GNAL: variants seen among roughly 807,000 people sequenced by gnomAD.
GNAL encodes the protein guanine nucleotide-binding protein G(olf) subunit alpha.
A neutral mutation model predicts 55.1 loss-of-function variants in GNAL; 18 were observed. That is an observed-to-expected ratio of 0.33 (90% CI 0.23 to 0.48). The LOEUF is 0.48. Ranked by LOEUF, GNAL falls within the 20% of genes least tolerant of loss-of-function variation. GNAL has a pLI of 0.99. For synonymous variants in GNAL, 253 were observed against 237.0 expected (o/e 1.07, Z -0.62); for missense variants, 412 against 614.1 (o/e 0.67, Z 3.48).
rs1308463701 is a variant in GNAL, at chr18:11,833,887, G to A, written c.722+8872G>A. 2.0e-5 allele frequency among the ~76,000 whole-genome samples: 3 copies of A among 152,174 alleles called. No individual in the cohort carries two copies. The South Asian group carries it at 6.2e-4, about 31-fold the overall frequency. ...TGTATGGAATGCCACTAGCAAAGAG[G>A]GAGAAGACAAGTCCCCTGGTGAGGA... On this transcript the variant is annotated intron_variant, in intron 5 of 11. Coordinates refer to ENST00000334049, the MANE Select transcript of GNAL (RefSeq NM_182978.4).
chr18:11,746,947 A>G (rs930101422), intron 1 of GNAL: 8 of 530,702 alleles, frequency 1.5e-5, no homozygotes, highest in Non-Finnish European at 3.1e-5. Context: ...TTTGCACTTC[A>G]GTAGGTGAGT....
chr18:11,772,695 C>G (rs144174611), intron 4 of GNAL, among the ~76,000 whole-genome samples: 154 of 152,336 alleles, frequency 1.0e-3, no homozygotes, highest in African/African-American at 3.6e-3. Flanking sequence ...GGACTAGAAC[C>G]GAGTCTCCCG....
chr18:11,884,841 C>A lies in GNAL; in HGVS notation c.*3706C>A, dbSNP rs2036946359. On this transcript the variant is annotated 3_prime_UTR_variant, in exon 12 of 12. Coordinates refer to ENST00000334049, the MANE Select transcript of GNAL (RefSeq NM_182978.4). ...CTCCAGCAGGAGAGACAAGTAAGGC[C>A]CAAGTGTGCCTGAGTGGAAAATGTC... 2.2e-6 allele frequency: 3 copies of A among 1,385,034 alleles called. No individual in the cohort carries two copies. The highest frequency in any genetic ancestry group is 2.8e-6 in the Non-Finnish European group (3 of 1,067,890). The allele number at this position is 1,385,034 out of a possible 1,614,324, so 85.8% of individuals were successfully genotyped here.
At chr18:11,877,750 C>T (rs1048292171) in intron 11 of GNAL, among the ~76,000 whole-genome samples, 1 of 152,204 alleles carries the variant, frequency 6.6e-6, no homozygotes, top group Non-Finnish European at 1.5e-5. Context: ...TCCAGCCTGG[C>T]CTTTCACCAC....
At chr18:11,734,245 C>T (rs570004892) in intron 1 of GNAL, among the ~76,000 whole-genome samples, 4 of 151,186 alleles carry the variant, frequency 2.6e-5, no homozygotes, top group African/African-American at 7.3e-5. Context: ...CCAGTTCAAG[C>T]GATTCTCCTG....
rs1454378826 is a variant in GNAL at position 11,882,566 on chromosome 18, ATCTCAGCTAC to A, written c.*1434_*1443del. ...CCAGGCGTGGTGGCGGGCACCTGTA[ATCTCAGCTAC>A]TCGAGAGGCTGAGGCAGGAGAATCT... On this transcript the variant is annotated 3_prime_UTR_variant, in exon 12 of 12. Coordinates refer to ENST00000334049, the MANE Select transcript of GNAL (RefSeq NM_182978.4). 2 of 151,682 alleles carry A rather than the reference ATCTCAGCTAC, an allele frequency of 1.3e-5. No homozygotes were observed. The highest frequency in any genetic ancestry group is 2.9e-5 in the Non-Finnish European group (2 of 68,092). The allele number at this position is 151,682 out of a possible 1,614,324, so 9.4% of individuals were successfully genotyped here.
At chr18:11,867,597 G>A (rs572930115) in intron 8 of GNAL, among the ~76,000 whole-genome samples, 11 of 149,592 alleles carry the variant, frequency 7.4e-5, no homozygotes, top group East Asian at 4.0e-4. Context: ...GGCAGATCAC[G>A]AGGTCAGGAG....
At position 11,689,813 on chromosome 18, in the gene GNAL, G is replaced by GAGGAGCGCGAAGCGGCCA. The variant is rs2031178012; in HGVS notation, c.260_261insAGCGGCCAAGGAGCGCGA (p.Ala89_Ala94dup). The GAGGAGCGCGAAGCGGCCA allele has an allele frequency of 6.5e-7, 1 of 1,537,332 alleles. No individual in the cohort carries two copies. The highest frequency in any genetic ancestry group is 1.4e-5 in the African/African-American group (1 of 70,534). ...GCAGCGCACCGAGCAGCTGAGTGCC[G>GAGGAGCGCGAAGCGGCCA]AGGAGCGCGAGGCGGCCAAGGAGCG... is the stretch of plus-strand genomic sequence containing the variant. On this transcript the variant is annotated inframe_insertion, in exon 1 of 12. Transcript: ENST00000334049.
In GNAL at chr18:11,752,956, A is replaced by T. The variant is rs767045048; in HGVS notation, c.449+31A>T. On this transcript the variant is annotated intron_variant, in intron 2 of 11. Transcript: ENST00000334049. This position sits in a 1 kb window ranked among gnomAD's most constrained non-coding sequence, Gnocchi z 4.5. ...AATGTTCAGTTTGCTTCCAAACTGCATGCAAACTTCGTCTCTCTCCCAGAC... is the reference window on the plus strand; with the variant it reads ...AATGTTCAGTTTGCTTCCAAACTGCTTGCAAACTTCGTCTCTCTCCCAGAC... 1 of 1,339,366 alleles carries T rather than the reference A, an allele frequency of 7.5e-7. No individual in the cohort carries two copies. Among genetic ancestry groups the T allele is most frequent in the South Asian group, 1.2e-5 (1 of 84,574 alleles). The allele number at this position is 1,339,366 out of a possible 1,614,324, so 83.0% of individuals were successfully genotyped here. A position where few individuals can be genotyped will look rare whatever the true frequency, so the allele number is the denominator to read the frequency against.
At position 11,884,459 on chromosome 18, in the gene GNAL, G is replaced by T; in HGVS notation, c.*3324G>T. The T allele has an allele frequency of 6.2e-7, 1 of 1,613,916 alleles. No homozygotes were observed. Reference sequence around the variant, plus strand: ...GCGCCTGCTCTTCATCTTGTCTTACGCTTTCCGAGCAAGTTCAAACCAGAA... The same window carrying T: ...GCGCCTGCTCTTCATCTTGTCTTACTCTTTCCGAGCAAGTTCAAACCAGAA... On this transcript the variant is annotated 3_prime_UTR_variant, in exon 12 of 12. Coordinates refer to ENST00000334049, the MANE Select transcript of GNAL (RefSeq NM_182978.4).
intron 4 of GNAL, among the ~76,000 whole-genome samples, chr18:11,773,751 T>C (rs1274334347): frequency 6.6e-6 from 1 of 152,210 alleles, no homozygotes; most frequent in Non-Finnish European, 1.5e-5. Context: ...AGCACTGTGC[T>C]CTAGCCTGAT....
chr18:11,864,945 A>G (rs978251312), intron 7 of GNAL, among the ~76,000 whole-genome samples: 1 of 152,158 alleles, frequency 6.6e-6, no homozygotes, highest in Non-Finnish European at 1.5e-5. Flanking sequence ...GTGTGTCTCC[A>G]GCCCATCTCT....
chr18:11,788,669 C>G (rs564704808), intron 4 of GNAL, among the ~76,000 whole-genome samples: 5 of 151,442 alleles, frequency 3.3e-5, no homozygotes, highest in Non-Finnish European at 7.4e-5. Context: ...GTCAGGAGTT[C>G]GAGACCAGCC....
At chr18:11,783,470 G>A (rs2033976064) in intron 4 of GNAL, among the ~76,000 whole-genome samples, 1 of 152,140 alleles carries the variant, frequency 6.6e-6, no homozygotes, top group African/African-American at 2.4e-5. Context: ...TTTATATTGT[G>A]CCTGCAAAGC....
At chr18:11,861,963 TAC>T (rs56087854) in intron 5 of GNAL, among the ~76,000 whole-genome samples, 3,683 of 148,130 alleles carry the variant, frequency 0.025, 131 homozygotes, top group African/African-American at 0.084. Context: ...CACGCAGTCA[TAC>T]ACACACACAC....
At chr18:11,770,775 T>C (rs2033608664) in intron 4 of GNAL, among the ~76,000 whole-genome samples, 1 of 152,220 alleles carries the variant, frequency 6.6e-6, no homozygotes, top group Non-Finnish European at 1.5e-5. Context: ...ACTTTACATA[T>C]TGAATGAAGA....
At chr18:11,735,754 C>CA (rs1185594144) in intron 1 of GNAL, among the ~76,000 whole-genome samples, 1,988 of 83,656 alleles carry the variant, frequency 0.024, 36 homozygotes, top group African/African-American at 0.078. Flanking sequence ...GAACCTGTCT[C>CA]AAAAAAAAAA....
In GNAL at chr18:11,884,578, C is replaced by T. The variant is rs749515863; in HGVS notation, c.*3443C>T. ...GTAGATGATCAAAACCACATCCTCACGTGGGAGGTAGCACTTGGAGAGGGT... is the reference window on the plus strand; with the variant it reads ...GTAGATGATCAAAACCACATCCTCATGTGGGAGGTAGCACTTGGAGAGGGT... On this transcript the variant is annotated 3_prime_UTR_variant, in exon 12 of 12. Coordinates refer to ENST00000334049, the MANE Select transcript of GNAL (RefSeq NM_182978.4). 6.2e-6 allele frequency: 10 copies of T among 1,613,854 alleles called. No homozygotes were observed. Among genetic ancestry groups the T allele is most frequent in the Middle Eastern group, 1.6e-4 (1 of 6,074 alleles).
At chr18:11,864,470 C>G in intron 6 of GNAL, 63 bp from the exon 7 acceptor site, 1 of 846,070 alleles carries the variant, frequency 1.2e-6, no homozygotes, top group South Asian at 1.3e-5. Context: ...TAGTTATACC[C>G]GGGCTTTACC....
Sources: allele counts gnomAD v4.1 joint callset (sites outside exome capture counted in the v4.1 genomes callset), GRCh38; gene constraint gnomAD v4.1.1; non-coding constraint Gnocchi (gnomAD v3.1); transcripts MANE v1.5; gene names NCBI Gene and HGNC (gene_info 2026-07-23, HGNC 2026-07-21).